Variants in PCDHGB6 observed in about 807,000 individuals in gnomAD.
The protein encoded by PCDHGB6 is protocadherin gamma-B6.
In PCDHGB6, 51 loss-of-function variants were observed where a neutral mutation model predicts 59.1. The observed-to-expected ratio is 0.86, with a 90% confidence interval of 0.69 to 1.09. PCDHGB6 has a LOEUF of 1.09. Ranked by LOEUF, PCDHGB6 falls within the 50% of genes least tolerant of loss-of-function variation. The probability of loss-of-function intolerance (pLI) is 0.00; values close to 1 mark genes in which losing one functional copy is unlikely to be tolerated. For synonymous variants in PCDHGB6, 466 were observed against 495.1 expected, an observed-to-expected ratio of 0.94 and a Z score of 0.78; for missense variants, 1,148 against 1,205.1, an observed-to-expected ratio of 0.95 and a Z score of 0.70.
At position 141,492,138 on chromosome 5, in the gene PCDHGB6, T is replaced by C. The variant is rs577884713; in HGVS notation, c.2419-2669T>C. ...ATTTCTCCCCAGCTCCCAGCATCTG[T>C]GACTTCACTGTTACCCTCCCTATCC... On this transcript the variant is annotated intron_variant, in intron 1 of 3. Coordinates refer to ENST00000520790, the MANE Select transcript of PCDHGB6 (RefSeq NM_018926.3). 2.4e-3 allele frequency among the ~76,000 whole-genome samples: 366 copies of C among 152,312 alleles called. 1 individual carries two copies. Among genetic ancestry groups the C allele is most frequent in the Non-Finnish European group, 3.5e-3 (238 of 68,014 alleles).
Position 141,408,058 on chromosome 5 carries a change from G to A in PCDHGB6, c.-145G>A. 1 of 1,316,270 alleles carries A rather than the reference G, an allele frequency of 7.6e-7. No individual in the cohort carries two copies. 81.5% of individuals were successfully genotyped at this position (1,316,270 alleles called of 1,614,324 possible). Reference sequence around the variant, plus strand: ...ACCAGCTCCCACACAGAGCCTCCCGGCTGCGCAGACCTTTCCCAGCACAGC... The same window carrying A: ...ACCAGCTCCCACACAGAGCCTCCCGACTGCGCAGACCTTTCCCAGCACAGC... On this transcript the variant is annotated 5_prime_UTR_variant, in exon 1 of 4. Transcript: ENST00000520790.
intron 1 of PCDHGB6, among the ~76,000 whole-genome samples, chr5:141,458,339 T>A (rs1380637284): frequency 2.0e-5 from 3 of 150,846 alleles, no homozygotes; most frequent in Non-Finnish European, 3.0e-5. Context: ...TTTTAAGGAG[T>A]GGAGAGTTTA....
chr5:141,508,723 G>A (rs941469412), intron 3 of PCDHGB6, among the ~76,000 whole-genome samples: 2 of 151,814 alleles, frequency 1.3e-5, no homozygotes, highest in African/African-American at 4.8e-5. Context: ...TGTGTGCAGG[G>A]AGACTACACC....
Position 141,512,147 on chromosome 5 carries a change from GGCTGA to G in PCDHGB6, c.*978_*982del, listed in dbSNP as rs1406468661. The G allele has an allele frequency of 1.3e-5, 2 of 152,652 alleles. No homozygotes were observed. Among genetic ancestry groups the G allele is most frequent in the Admixed American group, 6.5e-5 (1 of 15,286 alleles). The allele number at this position is 152,652 out of a possible 1,614,324, so 9.5% of individuals were successfully genotyped here. A position where few individuals can be genotyped will look rare whatever the true frequency, so the allele number is the denominator to read the frequency against. On this transcript the variant is annotated 3_prime_UTR_variant, in exon 4 of 4. Coordinates refer to ENST00000520790, the MANE Select transcript of PCDHGB6 (RefSeq NM_018926.3). ...GGCTCAGCCCAGGCAGCCAGCTTTG[GGCTGA>G]GCTAACAGGACCAATGGATTAAACT... is the stretch of plus-strand genomic sequence containing the variant.
chr5:141,425,523 T>C (rs1260519939), intron 1 of PCDHGB6, among the ~76,000 whole-genome samples: 1 of 152,248 alleles, frequency 6.6e-6, no homozygotes, highest in Admixed American at 6.5e-5. Flanking sequence ...TGATGAAACA[T>C]GAAACAATAA....
intron 1 of PCDHGB6, among the ~76,000 whole-genome samples, chr5:141,468,089 T>C (rs1349447353): frequency 6.6e-6 from 1 of 151,010 alleles, no homozygotes; most frequent in Non-Finnish European, 1.5e-5. Context: ...CTTTGGGAGG[T>C]TGAGGCAGGC....
At chr5:141,422,301 G>A (rs777697738) in intron 1 of PCDHGB6, 36 of 1,549,184 alleles carry the variant, frequency 2.3e-5, no homozygotes, top group Non-Finnish European at 3.1e-5. Flanking sequence ...ATTCAATTCT[G>A]GAAAACTCTC....
chr5:141,440,393 G>A (rs1444541990), intron 1 of PCDHGB6: 1 of 152,180 alleles, frequency 6.6e-6, no homozygotes, highest in Admixed American at 6.5e-5. Flanking sequence ...TTGAACCCGA[G>A]AGGCAATCGC....
rs768938171 is a variant in PCDHGB6 at position 141,487,276 on chromosome 5, C to T, written c.2419-7531C>T. ...TGGCTGTGTCCCTAGTGGCAATTTG[C>T]TTTGTCTCCTTTGGCTCATTCGTGG... On this transcript the variant is annotated intron_variant, in intron 1 of 3. Transcript: ENST00000520790. The surrounding 1 kb of genome is among the most constrained non-coding windows in gnomAD (Gnocchi z 5.0). The T allele has an allele frequency of 2.5e-6, 4 of 1,614,158 alleles. No homozygotes were observed. The East Asian group carries it at 8.9e-5, about 36-fold the overall frequency.
chr5:141,438,811 G>T (rs2098067148), intron 1 of PCDHGB6, among the ~76,000 whole-genome samples: 1 of 149,790 alleles, frequency 6.7e-6, no homozygotes, highest in East Asian at 2.0e-4. Context: ...ACAGGCGCCT[G>T]TCACCATGCC....
At position 141,478,736 on chromosome 5, in the gene PCDHGB6, T is replaced by G; in HGVS notation, c.2419-16071T>G. On this transcript the variant is annotated intron_variant, in intron 1 of 3. Coordinates refer to ENST00000520790, the MANE Select transcript of PCDHGB6 (RefSeq NM_018926.3). Reference sequence around the variant, plus strand: ...TGGTGGCCTGCCAGAGTGTGGTTTGTGGTCCCATTTCAGGGGGAAGATACT... The same window carrying G: ...TGGTGGCCTGCCAGAGTGTGGTTTGGGGTCCCATTTCAGGGGGAAGATACT... 5 of 1,534,796 alleles carry G rather than the reference T, an allele frequency of 3.3e-6. No homozygotes were observed. In the South Asian group the frequency reaches 6.2e-5, roughly 19 times the overall value.
At chr5:141,423,090 G>A in intron 1 of PCDHGB6, 2 of 1,614,022 alleles carry the variant, frequency 1.2e-6, no homozygotes, top group Non-Finnish European at 1.7e-6. Flanking sequence ...TCGCGGTGGG[G>A]GAGCACACGG....
chr5:141,485,408 T>G lies in PCDHGB6; in HGVS notation c.2419-9399T>G. On this transcript the variant is annotated intron_variant, in intron 1 of 3. Transcript: ENST00000520790. The surrounding 1 kb of genome is among the most constrained non-coding windows in gnomAD (Gnocchi z 5.7). ...GAACCAAAGACACTTCCGTGTGGAT[T>G]TGGACAGCGGAGCCCTGCTCATCAA... 1 of 1,614,112 alleles carries G rather than the reference T, an allele frequency of 6.2e-7. No individual in the cohort carries two copies. The highest frequency in any genetic ancestry group is 8.5e-7 in the Non-Finnish European group (1 of 1,180,034).
Position 141,408,556 on chromosome 5 carries a change from T to G in PCDHGB6, c.354T>G (p.His118Gln), listed in dbSNP as rs1215804867. ...AVVENPLNIFHVIVVIEDVND... is the reference protein window; with the variant it reads ...AVVENPLNIFQVIVVIEDVND... ...TGGAAAATCCTTTAAATATTTTTCA[T>G]GTCATTGTGGTGATTGAGGATGTTA... Residue 118 changes from histidine to glutamine, a missense_variant, in exon 1 of 4, where the codon CAT becomes CAG. Around this residue, in one of 5 missense-constraint regions of PCDHGB6, gnomAD observed 307 missense variants for 323.8 expected, o/e 0.95. Transcript: ENST00000520790. 6.2e-7 allele frequency: 1 copy of G among 1,613,940 alleles called. No homozygotes were observed. Among genetic ancestry groups the G allele is most frequent in the Non-Finnish European group, 8.5e-7 (1 of 1,179,906 alleles).
intron 1 of PCDHGB6, among the ~76,000 whole-genome samples, chr5:141,447,978 C>T (rs759162070): frequency 1.1e-4 from 17 of 151,694 alleles, no homozygotes; most frequent in East Asian, 3.9e-4. Flanking sequence ...CCCAGCTACT[C>T]GGGAGGCTGA....
chr5:141,489,085 G>A lies in PCDHGB6; in HGVS notation c.2419-5722G>A, dbSNP rs1347512723. The A allele has an allele frequency of 2.6e-5, 6 of 230,066 alleles. No homozygotes were observed. The South Asian group carries it at 4.3e-4, about 16-fold the overall frequency. 14.3% of individuals were successfully genotyped at this position (230,066 alleles called of 1,614,324 possible). A position where few individuals can be genotyped will look rare whatever the true frequency, so the allele number is the denominator to read the frequency against. Reference sequence around the variant, plus strand: ...TCCCCCCTGCCCACCCCCGCCACTCGGTGACTAAGAACTGCTGCAAGCAGG... The same window carrying A: ...TCCCCCCTGCCCACCCCCGCCACTCAGTGACTAAGAACTGCTGCAAGCAGG... On this transcript the variant is annotated intron_variant, in intron 1 of 3. Coordinates refer to ENST00000520790, the MANE Select transcript of PCDHGB6 (RefSeq NM_018926.3). The surrounding 1 kb of genome is among the most constrained non-coding windows in gnomAD (Gnocchi z 4.5).
At chr5:141,479,273 T>G (rs1723290487) in intron 1 of PCDHGB6, 1 of 152,386 alleles carries the variant, frequency 6.6e-6, no homozygotes, top group South Asian at 2.1e-4. Context: ...AGTAATAATT[T>G]ATTTCAAAAA....
At chr5:141,412,922 A>G in intron 1 of PCDHGB6, 1 of 420,478 alleles carries the variant, frequency 2.4e-6, no homozygotes, top group Non-Finnish European at 4.2e-6. Flanking sequence ...ACTTGGGTGC[A>G]GTAACTTCTT....
intron 1 of PCDHGB6, among the ~76,000 whole-genome samples, chr5:141,468,046 C>T (rs540273405): frequency 1.3e-4 from 20 of 152,174 alleles, no homozygotes; most frequent in Non-Finnish European, 2.8e-4. Flanking sequence ...AAAACTAAGC[C>T]GGGCACAGTG....
Sources: allele counts gnomAD v4.1 joint callset (sites outside exome capture counted in the v4.1 genomes callset), GRCh38; gene constraint gnomAD v4.1.1; regional missense constraint gnomAD v4.1.1; non-coding constraint Gnocchi (gnomAD v3.1); transcripts MANE v1.5; gene names NCBI Gene and HGNC (gene_info 2026-07-23, HGNC 2026-07-21).